SOX5: variants seen among roughly 807,000 people sequenced by gnomAD.
SOX5 encodes SRY-box transcription factor 5.
SOX5 carries 9 observed loss-of-function variants against 92.0 expected under a neutral mutation model. The observed-to-expected ratio is 0.10, with a 90% CI of 0.06 to 0.17. The LOEUF is 0.17. Among genes scored for constraint, SOX5 ranks in the 10% least tolerant of loss-of-function variants. The pLI, the probability that SOX5 is intolerant of heterozygous loss-of-function variation, is 1.00. For missense variants in SOX5, 642 were observed against 944.5 expected (o/e 0.68, Z 4.20); for synonymous variants, 344 against 336.3 (o/e 1.02, Z -0.25).
At chr12:24,054,548 A>T (rs1289795403) in intron 4 of SOX5, among the ~76,000 whole-genome samples, 1 of 152,190 alleles carries the variant, frequency 6.6e-6, no homozygotes, top group Non-Finnish European at 1.5e-5. Context: ...TAAAATAATG[A>T]ATAGATAAAT....
At chr12:24,524,741 T>C (rs574387156) in intron 1 of SOX5, among the ~76,000 whole-genome samples, 48 of 152,236 alleles carry the variant, frequency 3.2e-4, no homozygotes, top group Non-Finnish European at 5.3e-4. Flanking sequence ...GTACACTCTC[T>C]ATAAAAAATA....
chr12:23,988,880 C>T (rs569030916), intron 4 of SOX5, among the ~76,000 whole-genome samples: 1 of 152,230 alleles, frequency 6.6e-6, no homozygotes, highest in Admixed American at 6.5e-5. Context: ...CTCTTTTCCA[C>T]CACTCCAGTG....
chr12:23,560,565 T>C (rs563924001), intron 11 of SOX5, among the ~76,000 whole-genome samples: 18 of 152,216 alleles, frequency 1.2e-4, no homozygotes, highest in Admixed American at 4.6e-4. Context: ...CTCACACACA[T>C]AAATATGTAA....
intron 4 of SOX5, among the ~76,000 whole-genome samples, chr12:24,118,356 T>C (rs949498026): frequency 6.6e-6 from 1 of 152,154 alleles, no homozygotes; most frequent in African/African-American, 2.4e-5. Context: ...AACATCACAT[T>C]GTACCCCATA....
intron 2 of SOX5, among the ~76,000 whole-genome samples, chr12:23,855,922 T>C (rs565890345): frequency 4.3e-4 from 65 of 152,272 alleles, no homozygotes; most frequent in African/African-American, 1.4e-3. Context: ...TATTTTTCTA[T>C]ACTAATTAAG....
At chr12:24,402,167 T>C (rs755674951) in intron 1 of SOX5, among the ~76,000 whole-genome samples, 3 of 152,118 alleles carry the variant, frequency 2.0e-5, no homozygotes, top group Non-Finnish European at 4.4e-5. Flanking sequence ...TTAGTGGGAG[T>C]ATGGACAAGA....
intron 3 of SOX5, among the ~76,000 whole-genome samples, chr12:24,252,188 G>GA (rs1444003111): frequency 6.6e-6 from 1 of 152,022 alleles, no homozygotes; most frequent in Admixed American, 6.6e-5. Flanking sequence ...TTCTTTAGAG[G>GA]AAAAAATGTC....
intron 3 of SOX5, among the ~76,000 whole-genome samples, chr12:23,818,724 T>C (rs2096049574): frequency 6.6e-6 from 1 of 152,208 alleles, no homozygotes. Flanking sequence ...ACACATCATA[T>C]AGCTATACAA....
chr12:23,896,964 A>G (rs1332447587), intron 1 of SOX5, among the ~76,000 whole-genome samples: 6 of 152,254 alleles, frequency 3.9e-5, no homozygotes, highest in South Asian at 2.1e-4. Flanking sequence ...CAGAGGTTAA[A>G]AATATGTGGC....
intron 4 of SOX5, among the ~76,000 whole-genome samples, chr12:24,194,498 A>G (rs993920515): frequency 6.6e-6 from 1 of 152,174 alleles, no homozygotes; most frequent in Admixed American, 6.5e-5. Flanking sequence ...GGTTCAATAG[A>G]TTGATAAAAA....
intron 4 of SOX5, among the ~76,000 whole-genome samples, chr12:24,028,481 C>G (rs1455280286): frequency 6.6e-6 from 1 of 151,906 alleles, no homozygotes. Context: ...TTGATTGTCC[C>G]ATAAGGAGAT....
At chr12:24,106,517 G>A (rs540149788) in intron 4 of SOX5, among the ~76,000 whole-genome samples, 7 of 152,186 alleles carry the variant, frequency 4.6e-5, no homozygotes, top group Admixed American at 6.5e-5. Context: ...GAAGCCAGGC[G>A]TGGTGACTCA....
chr12:24,325,714 G>A (rs113477041), intron 2 of SOX5, among the ~76,000 whole-genome samples: 261 of 152,318 alleles, frequency 1.7e-3, no homozygotes, highest in Non-Finnish European at 3.1e-3. Flanking sequence ...TCTCCACTGT[G>A]TGGGTTGTTA....
At chr12:24,126,459 C>T (rs1043335609) in intron 4 of SOX5, among the ~76,000 whole-genome samples, 1 of 152,206 alleles carries the variant, frequency 6.6e-6, no homozygotes. Flanking sequence ...CCTCTCTTCA[C>T]ACCATGCTAT....
At chr12:24,206,778 C>T (rs910859899) in intron 4 of SOX5, among the ~76,000 whole-genome samples, 8 of 152,210 alleles carry the variant, frequency 5.3e-5, no homozygotes, top group African/African-American at 1.4e-4. Context: ...TGTGTGCCAA[C>T]TACCCAGCAG....
intron 3 of SOX5, among the ~76,000 whole-genome samples, chr12:23,792,645 A>AC (rs2095495695): frequency 7.6e-6 from 1 of 131,696 alleles, no homozygotes; most frequent in Non-Finnish European, 1.8e-5. Context: ...AAAAAAAAAA[A>AC]AAAAAAAAAA....
intron 3 of SOX5, among the ~76,000 whole-genome samples, chr12:24,267,590 CTAACTTT>C (rs903599527): frequency 2.6e-5 from 4 of 152,112 alleles, no homozygotes; most frequent in African/African-American, 9.7e-5. Flanking sequence ...TTTCTGTACT[CTAACTTT>C]GCAGAAAGTA....
Position 23,626,309 on chromosome 12 carries a change from CTTAT to C in SOX5, c.1017+14499_1017+14502del, listed in dbSNP as rs1307591556. ...TACTTTATGTCCAACTTGTCATTTA[CTTAT>C]TTATTTCTAGATGGTCCTTCTTTTT... On this transcript the variant is annotated intron_variant, in intron 8 of 14. Transcript: ENST00000451604. Among the ~76,000 whole-genome samples, 4 of 151,970 alleles carry C rather than the reference CTTAT, an allele frequency of 2.6e-5. No homozygotes were observed. In the East Asian group the frequency reaches 5.8e-4, roughly 22 times the overall value.
chr12:24,470,834 C>T (rs1419905812), intron 1 of SOX5, among the ~76,000 whole-genome samples: 2 of 152,090 alleles, frequency 1.3e-5, no homozygotes, highest in East Asian at 3.9e-4. Flanking sequence ...GAAAGTCTGG[C>T]TTGCAGGGTT....
Sources: allele counts gnomAD v4.1 joint callset (sites outside exome capture counted in the v4.1 genomes callset), GRCh38; gene constraint gnomAD v4.1.1; transcripts MANE v1.5; gene names NCBI Gene and HGNC (gene_info 2026-07-23, HGNC 2026-07-21).